Variants in HOOK1 observed in about 807,000 individuals in gnomAD.
HOOK1 encodes the protein protein Hook homolog 1.
In HOOK1, 60 loss-of-function variants were observed where a neutral mutation model predicts 112.8. The observed-to-expected ratio is 0.53, with a 90% CI of 0.43 to 0.66. The LOEUF (loss-of-function observed/expected upper bound fraction) is 0.66. Among genes scored for constraint, HOOK1 ranks in the 30% least tolerant of loss-of-function variants. The pLI, the probability that HOOK1 is intolerant of heterozygous loss-of-function variation, is 0.00. For missense variants in HOOK1, 770 were observed against 856.0 expected, an observed-to-expected ratio of 0.90 and a Z score of 1.25; for synonymous variants, 294 against 283.8, an observed-to-expected ratio of 1.04 and a Z score of -0.36.
chr1:59,853,083 A>T (rs982109659), intron 12 of HOOK1, among the ~76,000 whole-genome samples: 20 of 151,976 alleles, frequency 1.3e-4, no homozygotes, highest in Admixed American at 1.2e-3. Flanking sequence ...GTGGATTTTT[A>T]AAAAATGTGT....
intron 12 of HOOK1, among the ~76,000 whole-genome samples, chr1:59,849,559 G>T (rs1281762509): frequency 6.6e-6 from 1 of 151,570 alleles, no homozygotes; most frequent in Non-Finnish European, 1.5e-5. Flanking sequence ...TATTCACAGA[G>T]TTATACTACC....
Position 59,833,437 on chromosome 1 carries a change from C to T in HOOK1, c.306C>T (p.Ile102=). ...FLGQQISEAL[I]PDLNQITECS... is the part of the protein sequence containing the mutation. ...GGCAGCAGATTTCAGAAGCACTTAT[C>T]CCTGATTTAAACCAAATAACCGAAT... Residue 102 remains isoleucine (I), a synonymous_variant, in exon 5 of 22, where the codon ATC becomes ATT. Transcript: ENST00000371208. 1.3e-6 allele frequency: 2 copies of T among 1,563,702 alleles called. No individual in the cohort carries two copies. The highest frequency in any genetic ancestry group is 1.7e-6 in the Non-Finnish European group (2 of 1,148,238).
At chr1:59,819,305 A>G (rs1404270134) in intron 1 of HOOK1, among the ~76,000 whole-genome samples, 3 of 151,712 alleles carry the variant, frequency 2.0e-5, no homozygotes, top group East Asian at 3.9e-4. Flanking sequence ...ATGTGCCACC[A>G]CACCCGGCTA....
intron 16 of HOOK1, among the ~76,000 whole-genome samples, chr1:59,863,440 C>A (rs572621651): frequency 1.3e-5 from 2 of 152,222 alleles, no homozygotes; most frequent in African/African-American, 2.4e-5. Flanking sequence ...CATGGCCTTA[C>A]CGTTTTCTGA....
rs35170297 is a variant in HOOK1 at position 59,874,855 on chromosome 1, G to A, written c.*1890G>A. The stretch of plus-strand genomic sequence containing the variant: ...TTTTTACTGAAAATACAAGAATTTC[G>A]TACTGCATTTGCATCTCCGAGATTA... On this transcript the variant is annotated 3_prime_UTR_variant, in exon 22 of 22. Transcript: ENST00000371208. 27,870 of 152,296 alleles carry A rather than the reference G, an allele frequency of 0.18. 3,361 individuals carry two copies. Among genetic ancestry groups the A allele is most frequent in the African/African-American group, 0.35 (14,472 of 41,376 alleles). 9.4% of individuals were successfully genotyped at this position (152,296 alleles called of 1,614,324 possible). A position where few individuals can be genotyped will look rare whatever the true frequency, so the allele number is the denominator to read the frequency against.
intron 7 of HOOK1, among the ~76,000 whole-genome samples, chr1:59,838,352 A>G (rs1032304322): frequency 6.6e-6 from 1 of 152,100 alleles, no homozygotes; most frequent in Non-Finnish European, 1.5e-5. Flanking sequence ...CCTCTCCAGT[A>G]TCTGTTGTTT....
chr1:59,829,068 A>C (rs528662360), intron 3 of HOOK1, among the ~76,000 whole-genome samples: 1 of 152,228 alleles, frequency 6.6e-6, no homozygotes, highest in Admixed American at 6.5e-5. Flanking sequence ...ATTCTCTATT[A>C]ATCCCTACCC....
chr1:59,819,234 C>A (rs1182018073), intron 1 of HOOK1, among the ~76,000 whole-genome samples: 1 of 148,228 alleles, frequency 6.7e-6, no homozygotes, highest in Non-Finnish European at 1.5e-5. Flanking sequence ...ACTGCAACCT[C>A]CACCTCCCGG....
intron 1 of HOOK1, among the ~76,000 whole-genome samples, chr1:59,819,103 T>A (rs1464043269): frequency 2.0e-5 from 3 of 151,884 alleles, no homozygotes; most frequent in Non-Finnish European, 2.9e-5. Context: ...ATACATTTTC[T>A]TTTGTCTGCT....
At chr1:59,836,681 A>G (rs776233042) in intron 6 of HOOK1, among the ~76,000 whole-genome samples, 192 bp from the exon 7 acceptor site, 2 of 152,158 alleles carry the variant, frequency 1.3e-5, no homozygotes, top group Non-Finnish European at 2.9e-5. Context: ...TAGTGTCCTC[A>G]CTAATATGCT....
rs2098400447 is a variant in HOOK1, at chr1:59,840,361, G to GTGAAA, written c.591_592insTGAAA (p.Arg198Ter). The GTGAAA allele has an allele frequency of 3.8e-6, 6 of 1,590,962 alleles. No individual in the cohort carries two copies. The highest frequency in any genetic ancestry group is 5.1e-6 in the Non-Finnish European group (6 of 1,169,602). ...AAGCACTAGCAGAAAAAGAAGAGCT[G>GTGAAA]AGGCAAAGATGTGAAGAATTGGATA... is the stretch of plus-strand genomic sequence containing the variant. On this transcript the variant is annotated stop_gained and frameshift_variant, in exon 8 of 22. Coordinates refer to ENST00000371208, the MANE Select transcript of HOOK1 (RefSeq NM_015888.6). LOFTEE classifies it high-confidence loss of function.
intron 1 of HOOK1, among the ~76,000 whole-genome samples, chr1:59,818,675 C>T (rs1378516166): frequency 6.6e-6 from 1 of 152,126 alleles, no homozygotes; most frequent in Non-Finnish European, 1.5e-5. Flanking sequence ...AAATGTTTTT[C>T]TTGGTTCTTG....
In HOOK1 at chr1:59,828,857, G is replaced by A. The variant is rs2098391837; in HGVS notation, c.222+5G>A. ...GGGGACAACTGGAGAATAAAGGTAT[G>A]CAGAACAAATGGGAGAAGCACTTGA... On this transcript the variant is annotated splice_donor_5th_base_variant and intron_variant, in intron 3 of 21. Coordinates refer to ENST00000371208, the MANE Select transcript of HOOK1 (RefSeq NM_015888.6). 7 of 1,609,500 alleles carry A rather than the reference G, an allele frequency of 4.3e-6. No homozygotes were observed. Among genetic ancestry groups the A allele is most frequent in the Non-Finnish European group, 5.9e-6 (7 of 1,176,910 alleles).
At chr1:59,846,977 C>A in intron 9 of HOOK1, 68 bp from the exon 10 acceptor site, 1 of 1,290,702 alleles carries the variant, frequency 7.7e-7, no homozygotes, top group Non-Finnish European at 1.1e-6. Flanking sequence ...TATAGTCATG[C>A]AAGTTACAAT....
intron 4 of HOOK1, among the ~76,000 whole-genome samples, chr1:59,833,080 T>C (rs2098395191): frequency 6.6e-6 from 1 of 152,140 alleles, no homozygotes. Context: ...GCTTAACATA[T>C]GCTTATTATT....
intron 9 of HOOK1, among the ~76,000 whole-genome samples, chr1:59,844,489 A>G (rs1461323152): frequency 6.6e-6 from 1 of 151,898 alleles, no homozygotes; most frequent in Non-Finnish European, 1.5e-5. Context: ...ATTAATTACT[A>G]TGGTTTTAGA....
At chr1:59,820,159 TTAATA>T (rs1455344389) in intron 1 of HOOK1, among the ~76,000 whole-genome samples, 3 of 152,216 alleles carry the variant, frequency 2.0e-5, no homozygotes, top group Non-Finnish European at 2.9e-5. Context: ...ATTTTCTTAT[TTAATA>T]TGTCTAGAGA....
chr1:59,854,929 A>G (rs534239718), intron 12 of HOOK1, among the ~76,000 whole-genome samples: 1 of 152,358 alleles, frequency 6.6e-6, no homozygotes, highest in South Asian at 2.1e-4. Context: ...GAAACAGGGT[A>G]GCCTATACAT....
intron 2 of HOOK1, among the ~76,000 whole-genome samples, chr1:59,823,214 G>A (rs112682574): frequency 0.01 from 1,580 of 152,280 alleles, 21 homozygotes; most frequent in African/African-American, 0.036. Context: ...CAGCTACTCG[G>A]GAGGCTGAGG....
Sources: allele counts gnomAD v4.1 joint callset (sites outside exome capture counted in the v4.1 genomes callset), GRCh38; gene constraint gnomAD v4.1.1; transcripts MANE v1.5; gene names NCBI Gene and HGNC (gene_info 2026-07-23, HGNC 2026-07-21).